EXPH5: variants seen among roughly 807,000 people sequenced by gnomAD.
EXPH5 encodes the protein exophilin-5.
A neutral mutation model predicts 41.1 loss-of-function variants in EXPH5; 42 were observed. The ratio of observed to expected loss-of-function variants is 1.02; its 90% CI spans 0.80 to 1.32. The LOEUF is 1.32. Among genes scored for constraint, EXPH5 ranks in the 40% most tolerant of loss-of-function variants. The probability of loss-of-function intolerance (pLI) is 0.00; values close to 1 mark genes in which losing one functional copy is unlikely to be tolerated. For missense variants in EXPH5, 2,298 were observed against 2,314.5 expected, an observed-to-expected ratio of 0.99 and a Z score of 0.15; for synonymous variants, 798 against 833.5, an observed-to-expected ratio of 0.96 and a Z score of 0.73.
At chr11:108,570,983 CTG>C (rs2094057882) in intron 1 of EXPH5, among the ~76,000 whole-genome samples, 1 of 152,156 alleles carries the variant, frequency 6.6e-6, no homozygotes, top group Non-Finnish European at 1.5e-5. Context: ...TGTTTTGTGA[CTG>C]TGAACTCTCC....
At chr11:108,557,231 T>A (rs1207661587) in intron 1 of EXPH5, among the ~76,000 whole-genome samples, 3 of 152,308 alleles carry the variant, frequency 2.0e-5, no homozygotes, top group East Asian at 3.9e-4. Context: ...TGTTTTGAGA[T>A]GGAGTCTTGT....
At chr11:108,552,761 C>T (rs112644170) in intron 1 of EXPH5, among the ~76,000 whole-genome samples, 99 of 152,224 alleles carry the variant, frequency 6.5e-4, no homozygotes, top group African/African-American at 2.2e-3. Context: ...AAACCCCAAA[C>T]AAACAAAACT....
chr11:108,544,241 G>A (rs2093927384), intron 1 of EXPH5, among the ~76,000 whole-genome samples: 1 of 152,100 alleles, frequency 6.6e-6, no homozygotes, highest in African/African-American at 2.4e-5. Flanking sequence ...CCAGACTGGA[G>A]TGCATTGGTT....
intron 4 of EXPH5, among the ~76,000 whole-genome samples, chr11:108,526,176 G>A (rs2093797578): frequency 6.6e-6 from 1 of 151,734 alleles, no homozygotes; most frequent in Non-Finnish European, 1.5e-5. Context: ...TCCCACCTTG[G>A]CCTCCCAAAG....
chr11:108,575,326 C>T (rs1048157160), intron 1 of EXPH5, among the ~76,000 whole-genome samples: 1 of 152,190 alleles, frequency 6.6e-6, no homozygotes, highest in Non-Finnish European at 1.5e-5. Flanking sequence ...TGGTAGAACA[C>T]TTGGAAAGCA....
intron 3 of EXPH5, among the ~76,000 whole-genome samples, chr11:108,529,131 A>G (rs192968336): frequency 1.3e-5 from 2 of 152,186 alleles, no homozygotes; most frequent in Admixed American, 1.3e-4. Context: ...TACATAATTT[A>G]AAGTAAAAAA....
upstream of EXPH5, chr11:108,593,776 A>G: frequency 1.3e-6 from 2 of 1,534,950 alleles, no homozygotes; most frequent in African/African-American, 2.7e-5. Context: ...GTGAACGGCT[A>G]AAGGGAGAGA....
chr11:108,565,322 G>A (rs903224144), intron 1 of EXPH5, among the ~76,000 whole-genome samples: 2 of 152,122 alleles, frequency 1.3e-5, no homozygotes, highest in African/African-American at 4.8e-5. Flanking sequence ...TGGCAAAATT[G>A]GCAACTCTTG....
intron 1 of EXPH5, among the ~76,000 whole-genome samples, chr11:108,591,145 T>G (rs74637258): frequency 0.015 from 2,287 of 152,314 alleles, 49 homozygotes; most frequent in African/African-American, 0.051. Context: ...CCTGAGTCTC[T>G]CAGACAGGCC....
At chr11:108,598,482 A>G (rs2094141717), upstream of EXPH5, among the ~76,000 whole-genome samples, 1 of 152,200 alleles carries the variant, frequency 6.6e-6, no homozygotes, top group African/African-American at 2.4e-5. Flanking sequence ...ATAATACATT[A>G]GTAAATAAAT....
chr11:108,510,961 T>C lies in EXPH5; in HGVS notation c.4546A>G (p.Lys1516Glu). ...QVFALTPALHKLQLGEETQSD... is the reference protein window; with the variant it reads ...QVFALTPALHELQLGEETQSD... ...TGAGTCTCCTCACCAAGCTGTAGTT[T>C]ATGCAATGCTGGAGTAAGGGCAAAG... The change falls in exon 6 of 6, where the codon AAA becomes GAA. Residue 1516 changes from lysine (K) to glutamate (E), a missense_variant. By Grantham distance (56) the Lys-to-Glu change is moderately conservative. Transcript: ENST00000265843. The C allele has an allele frequency of 6.2e-7, 1 of 1,614,118 alleles. No individual in the cohort carries two copies. Among genetic ancestry groups the C allele is most frequent in the Non-Finnish European group, 8.5e-7 (1 of 1,179,996 alleles).
chr11:108,513,344 G>T lies in EXPH5; in HGVS notation c.2163C>A (p.Asn721Lys), dbSNP rs779481926. The T allele has an allele frequency of 3.1e-6, 5 of 1,613,874 alleles. No individual in the cohort carries two copies. The highest frequency in any genetic ancestry group is 2.7e-5 in the African/African-American group (2 of 74,912). ...CAGGTTGGGGTATTTCACCTGCCTT[G>T]TTTGTCTGGTCCATCTTGCTTAGCT... is the stretch of plus-strand genomic sequence containing the variant. ...DKQLSKMDQT[N>K]KAGEIPQPVS... Residue 721 changes from asparagine (N) to lysine (K), a missense_variant, in exon 6 of 6, where the codon AAC becomes AAA. Physicochemically the swap from Asn to Lys is moderately conservative, Grantham distance 94. Coordinates refer to ENST00000265843, the MANE Select transcript of EXPH5 (RefSeq NM_015065.3).
chr11:108,507,843 G>T lies in EXPH5; in HGVS notation c.*1694C>A, dbSNP rs1057099917. On this transcript the variant is annotated 3_prime_UTR_variant, in exon 6 of 6. Coordinates refer to ENST00000265843, the MANE Select transcript of EXPH5 (RefSeq NM_015065.3). ...GGGACTAAAATGCCCCACCTGAAAA[G>T]AAGCGTTCTACCTTGCAATTAAAGA... The T allele has an allele frequency of 3.3e-5, 5 of 151,794 alleles. No individual in the cohort carries two copies. The highest frequency in any genetic ancestry group is 1.2e-4 in the African/African-American group (5 of 41,284). 9.4% of individuals were successfully genotyped at this position (151,794 alleles called of 1,614,324 possible). A position where few individuals can be genotyped will look rare whatever the true frequency, so the allele number is the denominator to read the frequency against.
At chr11:108,559,977 T>C (rs540959192) in intron 1 of EXPH5, among the ~76,000 whole-genome samples, 3 of 152,302 alleles carry the variant, frequency 2.0e-5, no homozygotes, top group Admixed American at 2.0e-4. Context: ...TGCTTTAACT[T>C]TAAGGAATTT....
At position 108,511,551 on chromosome 11, in the gene EXPH5, T is replaced by G; in HGVS notation, c.3956A>C (p.Asn1319Thr). 1 of 1,612,904 alleles carries G rather than the reference T, an allele frequency of 6.2e-7. No homozygotes were observed. Among genetic ancestry groups the G allele is most frequent in the Non-Finnish European group, 8.5e-7 (1 of 1,179,672 alleles). Residue 1319 changes from asparagine to threonine, a missense_variant, in exon 6 of 6, where the codon AAC (asparagine) becomes ACC (threonine). Physicochemically the swap from Asn to Thr is moderately conservative, Grantham distance 65 (BLOSUM62 0). Transcript: ENST00000265843. ...TTCAGTGGTGAGCGTCTGATCAGAG[T>G]TGACGGACATCTTTAGATTTTCACA... is the stretch of plus-strand genomic sequence containing the variant. ...PSCENLKMSV[N>T]SDQTLTTENM...
Position 108,506,446 on chromosome 11 carries a change from T to C in EXPH5, c.*3091A>G, listed in dbSNP as rs968297810. The C allele has an allele frequency of 3.3e-5, 5 of 152,280 alleles. No individual in the cohort carries two copies. The highest frequency in any genetic ancestry group is 1.9e-4 in the East Asian group (1 of 5,186). The allele number at this position is 152,280 out of a possible 1,614,324, so 9.4% of individuals were successfully genotyped here. On this transcript the variant is annotated 3_prime_UTR_variant, in exon 6 of 6. Coordinates refer to ENST00000265843, the MANE Select transcript of EXPH5 (RefSeq NM_015065.3). ...ATTTAAACAGTACATTCCAGCGCAGTCTGGGCCCCAAAGCAGTTTCACCCT... is the reference window on the plus strand; with the variant it reads ...ATTTAAACAGTACATTCCAGCGCAGCCTGGGCCCCAAAGCAGTTTCACCCT...
Position 108,511,620 on chromosome 11 carries a change from T to A in EXPH5, c.3887A>T (p.Asp1296Val). 2 of 1,610,900 alleles carry A rather than the reference T, an allele frequency of 1.2e-6. No homozygotes were observed. The highest frequency in any genetic ancestry group is 1.7e-6 in the Non-Finnish European group (2 of 1,179,304). The change falls in exon 6 of 6, where the codon GAC (aspartate) becomes GTC (valine). Residue 1296 changes from aspartate (D) to valine (V), a missense_variant. Transcript: ENST00000265843. ...TETFPNALEK[D>V]KQNYSTREQS... Reference sequence around the variant, plus strand: ...CTCTCGTGTAGAATAATTCTGTTTGTCTTTTTCTAAAGCGTTAGGAAATGT... The same window carrying A: ...CTCTCGTGTAGAATAATTCTGTTTGACTTTTTCTAAAGCGTTAGGAAATGT...
At chr11:108,516,058 C>T (rs1292926808) in intron 5 of EXPH5, among the ~76,000 whole-genome samples, 5 of 129,406 alleles carry the variant, frequency 3.9e-5, no homozygotes, top group Admixed American at 2.0e-4. Context: ...GGCGAAAGAG[C>T]GAGACTCCGT....
intron 1 of EXPH5, among the ~76,000 whole-genome samples, chr11:108,566,687 TA>T (rs2094036044): frequency 6.6e-6 from 1 of 151,988 alleles, no homozygotes; most frequent in South Asian, 2.1e-4. Context: ...ACCCCATCTC[TA>T]AAATAAATAA....
Sources: gnomAD v4.1 joint callset for allele counts (sites outside exome capture counted in the v4.1 genomes callset) on GRCh38, gnomAD v4.1.1 for gene constraint, MANE v1.5 for transcripts, NCBI Gene and HGNC (gene_info 2026-07-23, HGNC 2026-07-21) for gene names.